The following NID2 variants were observed in gnomAD, a reference collection of about 807,000 sequenced individuals.
NID2 encodes nidogen-2.
Under a neutral mutation model 145.4 loss-of-function variants are expected in NID2, and 83 were observed. The observed-to-expected ratio is 0.57, with a 90% CI of 0.48 to 0.69. NID2 has a LOEUF of 0.69. Ranked by LOEUF, NID2 falls within the 30% of genes least tolerant of loss-of-function variation. NID2 has a pLI of 0.00. For synonymous variants in NID2, 739 were observed against 701.3 expected, an observed-to-expected ratio of 1.05 and a Z score of -0.85; for missense variants, 1,807 against 1,765.7, an observed-to-expected ratio of 1.02 and a Z score of -0.42.
chr14:52,054,249 C>A lies in NID2; in HGVS notation c.840G>T (p.Arg280Ser), dbSNP rs762786723. ...IGSTSPLDNVRPAAVGDLSAA... is the reference protein window; with the variant it reads ...IGSTSPLDNVSPAAVGDLSAA... ...CGGAAAGGTCTCCAACTGCAGCTGG[C>A]CTGACATTGTCCAACGGGGAAGTGC... Residue 280 changes from arginine (R) to serine (S), a missense_variant, in exon 4 of 22, where the codon AGG (arginine) becomes AGT (serine). Arg to Ser is a moderately radical substitution (Grantham distance 110). Coordinates refer to ENST00000216286, the MANE Select transcript of NID2 (RefSeq NM_007361.4). 1.2e-6 allele frequency: 2 copies of A among 1,614,146 alleles called. No homozygotes were observed. The highest frequency in any genetic ancestry group is 8.5e-7 in the Non-Finnish European group (1 of 1,180,028).
intron 5 of NID2, among the ~76,000 whole-genome samples, chr14:52,045,392 T>C (rs879688187): frequency 3.3e-5 from 5 of 152,066 alleles, no homozygotes; most frequent in Non-Finnish European, 5.9e-5. Flanking sequence ...TAGAACATAG[T>C]AGGAATGAAG....
chr14:52,029,808 C>G lies in NID2; in HGVS notation c.2258-118G>C, dbSNP rs567187473. 3 of 802,592 alleles carry G rather than the reference C, an allele frequency of 3.7e-6. No individual in the cohort carries two copies. In the Admixed American group the frequency reaches 7.9e-5, roughly 21 times the overall value. The allele number at this position is 802,592 out of a possible 1,614,324, so 49.7% of individuals were successfully genotyped here. On this transcript the variant is annotated intron_variant, in intron 9 of 21. Coordinates refer to ENST00000216286, the MANE Select transcript of NID2 (RefSeq NM_007361.4). ...TGTGTTTTGTGACACACCGGAAGAC[C>G]TTACTAAATTATCCATATCTGAAGC...
Position 52,029,552 on chromosome 14 carries a change from C to A in NID2, c.2396G>T (p.Cys799Phe), listed in dbSNP as rs754380746. The change falls in exon 10 of 22, where the codon TGT (cysteine) becomes TTT (phenylalanine). Residue 799 changes from cysteine to phenylalanine, a missense_variant. Physicochemically the swap from Cys to Phe is radical, Grantham distance 205. Coordinates refer to ENST00000216286, the MANE Select transcript of NID2 (RefSeq NM_007361.4). ...CACGAGAACATGGCTCTTACCCACACAGTTCCGTCCATCTCCCTGGTACCC... is the reference window on the plus strand; with the variant it reads ...CACGAGAACATGGCTCTTACCCACAAAGTTCCGTCCATCTCCCTGGTACCC... The part of the protein sequence containing the change: ...ASGYQGDGRN[C>F]VDENECATGF... 121 of 1,611,826 alleles carry A rather than the reference C, an allele frequency of 7.5e-5. No homozygotes were observed. Among genetic ancestry groups the A allele is most frequent in the Non-Finnish European group, 1.0e-4 (118 of 1,178,206 alleles).
intron 9 of NID2, among the ~76,000 whole-genome samples, chr14:52,034,302 C>A (rs1222124410): frequency 2.4e-5 from 1 of 42,536 alleles, no homozygotes; most frequent in East Asian, 3.1e-3. Flanking sequence ...GACTCCATAG[C>A]CTGGGAAATT....
chr14:52,008,538 C>T (rs2140341733), intron 18 of NID2: 1 of 152,374 alleles, frequency 6.6e-6, no homozygotes, highest in South Asian at 2.1e-4. Flanking sequence ...CAGTAGGTAA[C>T]TAATACACAG....
rs1289636839 is a variant in NID2, at chr14:52,042,328, C to T, written c.1602G>A (p.Gly534=). 2 of 1,611,952 alleles carry T rather than the reference C, an allele frequency of 1.2e-6. No homozygotes were observed. Among genetic ancestry groups the T allele is most frequent in the Non-Finnish European group, 1.7e-6 (2 of 1,178,486 alleles). The change falls in exon 7 of 22, where the codon GGG becomes GGA. Residue 534 remains glycine (G), a synonymous_variant. Transcript: ENST00000216286. ...CCACGTGGAGGTGGCCACTCACTTT[C>T]CCATTCACTCGGTGAGGTGCCCCTA... ...LPEGAPHRVN[G]KVSGHLHVGH... is the part of the protein sequence containing the mutation.
chr14:52,040,234 C>A lies in NID2; in HGVS notation c.2026+417G>T, dbSNP rs552350014. Among the ~76,000 whole-genome samples the A allele has an allele frequency of 2.1e-4, 31 of 150,508 alleles. No individual in the cohort carries two copies. In the East Asian group the frequency reaches 6.1e-3, roughly 30 times the overall value. On this transcript the variant is annotated intron_variant, in intron 8 of 21. Coordinates refer to ENST00000216286, the MANE Select transcript of NID2 (RefSeq NM_007361.4). ...GGGATTACAGGCATGAGCCATTGCA[C>A]CTGGCCTCTTTCTGTGATTTTTTTT... is the stretch of plus-strand genomic sequence containing the variant.
chr14:52,014,210 C>T, intron 16 of NID2, 77 bp downstream of exon 16: 1 of 1,592,174 alleles, frequency 6.3e-7, no homozygotes, highest in Admixed American at 1.7e-5. Context: ...GTCCACCTCA[C>T]TGCAACAGGG....
intron 12 of NID2, among the ~76,000 whole-genome samples, chr14:52,024,850 C>A (rs1450873248): frequency 2.0e-5 from 3 of 151,994 alleles, no homozygotes; most frequent in Non-Finnish European, 4.4e-5. Flanking sequence ...CCTAACATGA[C>A]CCCAGAAGGT....
intron 7 of NID2, 123 bp from the exon 8 acceptor site, chr14:52,040,974 T>C (rs1163312170): frequency 6.3e-6 from 5 of 789,574 alleles, no homozygotes; most frequent in Admixed American, 2.1e-5. Flanking sequence ...GATTATCTGA[T>C]ATCTGAGAGT....
chr14:52,042,725 G>C, intron 6 of NID2, 57 bp downstream of exon 6: 1 of 1,570,810 alleles, frequency 6.4e-7, no homozygotes, highest in African/African-American at 1.4e-5. Context: ...AGTGGTAGCT[G>C]GAAACAGGTA....
intron 7 of NID2, 67 bp downstream of exon 7, chr14:52,042,038 C>G (rs890935261): frequency 1.1e-5 from 16 of 1,511,204 alleles, no homozygotes; most frequent in Non-Finnish European, 1.4e-5. Flanking sequence ...GGCCTAAAGA[C>G]AGTGCCCCAA....
chr14:52,053,326 C>T (rs568599572), intron 5 of NID2, among the ~76,000 whole-genome samples: 1 of 152,200 alleles, frequency 6.6e-6, no homozygotes, highest in African/African-American at 2.4e-5. Flanking sequence ...AGTTTTCCCC[C>T]ACTCACTTCA....
At chr14:52,062,401 C>T (rs1050679432) in intron 2 of NID2, among the ~76,000 whole-genome samples, 22 of 152,190 alleles carry the variant, frequency 1.4e-4, no homozygotes, top group African/African-American at 5.3e-4. Flanking sequence ...TTTAGAGCTT[C>T]TCAATACTAG....
chr14:52,016,954 G>A (rs548802428), intron 14 of NID2, among the ~76,000 whole-genome samples: 76 of 152,306 alleles, frequency 5.0e-4, no homozygotes, highest in African/African-American at 1.8e-3. Context: ...ATGCCGTTAA[G>A]TTGTCACTGT....
intron 10 of NID2, 116 bp from the exon 11 acceptor site, chr14:52,028,966 C>T: frequency 1.0e-6 from 1 of 993,070 alleles, no homozygotes; most frequent in Non-Finnish European, 1.4e-6. Context: ...AAATGGTTGG[C>T]AGATGTAGAA....
At chr14:52,030,016 T>C (rs1398431886) in intron 9 of NID2, among the ~76,000 whole-genome samples, 1 of 152,170 alleles carries the variant, frequency 6.6e-6, no homozygotes, top group Non-Finnish European at 1.5e-5. Context: ...GATGATTCTA[T>C]GTGGTGAGTT....
At chr14:52,033,393 A>G (rs1013075474) in intron 9 of NID2, among the ~76,000 whole-genome samples, 1 of 152,150 alleles carries the variant, frequency 6.6e-6, no homozygotes, top group African/African-American at 2.4e-5. Flanking sequence ...ACCCCACAAA[A>G]CAACCAACCA....
intron 3 of NID2, among the ~76,000 whole-genome samples, chr14:52,057,285 C>G (rs1466744717): frequency 6.6e-6 from 1 of 152,202 alleles, no homozygotes; most frequent in Non-Finnish European, 1.5e-5. Context: ...TCAAGCAATC[C>G]TCCCACCTTG....
Sources: allele counts gnomAD v4.1 joint callset (sites outside exome capture counted in the v4.1 genomes callset), GRCh38; gene constraint gnomAD v4.1.1; transcripts MANE v1.5; gene names NCBI Gene and HGNC (gene_info 2026-07-23, HGNC 2026-07-21).